The following PHACTR2 variants were observed in gnomAD, a reference collection of about 807,000 sequenced individuals.
PHACTR2 encodes the protein chromosome 6 open reading frame 56.
Under a neutral mutation model 76.0 loss-of-function variants are expected in PHACTR2, and 30 were observed. The observed-to-expected ratio is 0.39, with a 90% CI of 0.30 to 0.54. The LOEUF is 0.54. Among genes scored for constraint, PHACTR2 ranks in the 20% least tolerant of loss-of-function variants. PHACTR2 has a pLI of 0.61. For synonymous variants in PHACTR2, 292 were observed against 292.5 expected (o/e 1.00, Z 0.02); for missense variants, 696 against 781.1 (o/e 0.89, Z 1.30).
At chr6:143,538,005 G>T (rs1197959186) in intron 1 of PHACTR2, among the ~76,000 whole-genome samples, 1 of 152,220 alleles carries the variant, frequency 6.6e-6, no homozygotes, top group East Asian at 1.9e-4. Context: ...AGCTACTCAG[G>T]AGGCTGAGGC....
At chr6:143,640,484 T>G (rs1387623740) in intron 1 of PHACTR2, among the ~76,000 whole-genome samples, 1 of 152,104 alleles carries the variant, frequency 6.6e-6, no homozygotes, top group Non-Finnish European at 1.5e-5. Flanking sequence ...TTTATGGAAG[T>G]GCAGAGATGG....
chr6:143,773,619 A>G lies in PHACTR2; in HGVS notation c.1433-440A>G, dbSNP rs533258877. 2.0e-5 allele frequency among the ~76,000 whole-genome samples: 3 copies of G among 152,268 alleles called. No homozygotes were observed. In the East Asian group the frequency reaches 5.8e-4, roughly 29 times the overall value. On this transcript the variant is annotated intron_variant, in intron 7 of 12. Transcript: ENST00000440869. ...ATTCTGGGGTAATTAAGGGTTAAAC[A>G]TTGGTAGACTCTGCCAGGATGGCGT... is the stretch of plus-strand genomic sequence containing the variant.
chr6:143,813,576 C>T (rs1266191070), intron 12 of PHACTR2, among the ~76,000 whole-genome samples: 3 of 147,068 alleles, frequency 2.0e-5, no homozygotes, highest in African/African-American at 7.6e-5. Context: ...CGAGATCGCG[C>T]CACTGCACTC....
In PHACTR2 at chr6:143,639,231, T is replaced by A. The variant is rs954533233; in HGVS notation, c.13+30909T>A. On this transcript the variant is annotated intron_variant, in intron 1 of 11. Transcript: ENST00000305766. The surrounding 1 kb of genome is among the most constrained non-coding windows in gnomAD (Gnocchi z 5.0). ...GACAATTGCTGCAAAGTACCTGAAGTACAGTCTGTCTTTCCAAAACAAATT... is the reference window on the plus strand; with the variant it reads ...GACAATTGCTGCAAAGTACCTGAAGAACAGTCTGTCTTTCCAAAACAAATT... Among the ~76,000 whole-genome samples the A allele has an allele frequency of 6.6e-6, 1 of 152,158 alleles. No individual in the cohort carries two copies. The highest frequency in any genetic ancestry group is 1.5e-5 in the Non-Finnish European group (1 of 68,036).
Position 143,775,675 on chromosome 6 carries a change from G to A in PHACTR2, c.1589+1460G>A, listed in dbSNP as rs988298085. ...GTATATGCTTCTAGGTTTTCTGATTGTTTTATTACTCTTGTTTATGTTTTA... is the reference window on the plus strand; with the variant it reads ...GTATATGCTTCTAGGTTTTCTGATTATTTTATTACTCTTGTTTATGTTTTA... On this transcript the variant is annotated intron_variant, in intron 8 of 12. Transcript: ENST00000440869. The surrounding 1 kb of genome is among the most constrained non-coding windows in gnomAD (Gnocchi z 4.4). Among the ~76,000 whole-genome samples, 4 of 152,128 alleles carry A rather than the reference G, an allele frequency of 2.6e-5. No homozygotes were observed. The highest frequency in any genetic ancestry group is 9.7e-5 in the African/African-American group (4 of 41,420).
Position 143,560,001 on chromosome 6 carries a change from G to A in PHACTR2, c.217+22794G>A, listed in dbSNP as rs182948212. ...GCTGGGATTACAGGTGTGAGCCACC[G>A]TGCCCAGCTGTTATTTTTCAATACT... is the stretch of plus-strand genomic sequence containing the variant. On this transcript the variant is annotated intron_variant, in intron 1 of 11. Transcript: ENST00000367584. 2.4e-4 allele frequency among the ~76,000 whole-genome samples: 37 copies of A among 152,100 alleles called. No homozygotes were observed. The East Asian group carries it at 5.6e-3, about 23-fold the overall frequency.
rs1324720895 is a variant in PHACTR2 at position 143,680,653 on chromosome 6, A to G, written c.46+2444A>G. Reference sequence around the variant, plus strand: ...ATCCATTATTAAAAAGAACAGCTGTATTGATGTATAATTCACATACTATAA... The same window carrying G: ...ATCCATTATTAAAAAGAACAGCTGTGTTGATGTATAATTCACATACTATAA... On this transcript the variant is annotated intron_variant, in intron 1 of 12. Coordinates refer to ENST00000440869, the MANE Select transcript of PHACTR2 (RefSeq NM_001100164.2). This position sits in a 1 kb window ranked among gnomAD's most constrained non-coding sequence, Gnocchi z 4.5. Among the ~76,000 whole-genome samples the G allele has an allele frequency of 1.3e-5, 2 of 152,170 alleles. No individual in the cohort carries two copies. Among genetic ancestry groups the G allele is most frequent in the Admixed American group, 6.5e-5 (1 of 15,278 alleles).
chr6:143,779,796 A>G (rs1270977601), intron 9 of PHACTR2, among the ~76,000 whole-genome samples: 1 of 151,784 alleles, frequency 6.6e-6, no homozygotes, highest in Non-Finnish European at 1.5e-5. Flanking sequence ...AGGACAAATT[A>G]TATTTCTTAG....
chr6:143,749,277 A>G (rs1163452336), intron 3 of PHACTR2, among the ~76,000 whole-genome samples: 1 of 152,212 alleles, frequency 6.6e-6, no homozygotes, highest in Non-Finnish European at 1.5e-5. Context: ...TGGTGAATCC[A>G]TCACCATATG....
rs962659477 is a variant in PHACTR2 at position 143,816,207 on chromosome 6, C to T, written c.1923-7467C>T. Among the ~76,000 whole-genome samples the T allele has an allele frequency of 2.0e-5, 3 of 152,008 alleles. No individual in the cohort carries two copies. Among genetic ancestry groups the T allele is most frequent in the Admixed American group, 2.0e-4 (3 of 15,264 alleles). ...CCTCCACCAACTTGAAGCCTAAAGC[C>T]AAAACTGTCATGCTGTCACATAGAC... On this transcript the variant is annotated intron_variant, in intron 12 of 12. Coordinates refer to ENST00000440869, the MANE Select transcript of PHACTR2 (RefSeq NM_001100164.2). This position sits in a 1 kb window ranked among gnomAD's most constrained non-coding sequence, Gnocchi z 4.5.
chr6:143,694,052 G>C (rs1488772947), intron 1 of PHACTR2, among the ~76,000 whole-genome samples: 2 of 151,222 alleles, frequency 1.3e-5, no homozygotes, highest in Non-Finnish European at 1.5e-5. Flanking sequence ...CTGGGTGACA[G>C]ACAGAGTGAG....
chr6:143,793,117 G>A lies in PHACTR2; in HGVS notation c.1845+4207G>A, dbSNP rs373276581. Among the ~76,000 whole-genome samples the A allele has an allele frequency of 2.0e-5, 3 of 152,186 alleles. No individual in the cohort carries two copies. The highest frequency in any genetic ancestry group is 7.2e-5 in the African/African-American group (3 of 41,436). ...AGATAAATGAGTAAAGATCACTGCA[G>A]TTGCCAAGTATGCAAGCAGGGAGAG... On this transcript the variant is annotated intron_variant, in intron 11 of 12. Coordinates refer to ENST00000440869, the MANE Select transcript of PHACTR2 (RefSeq NM_001100164.2). The surrounding 1 kb of genome is among the most constrained non-coding windows in gnomAD (Gnocchi z 4.4).
chr6:143,547,755 A>G lies in PHACTR2; in HGVS notation c.217+10548A>G, dbSNP rs1255083943. Among the ~76,000 whole-genome samples, 1 of 152,218 alleles carries G rather than the reference A, an allele frequency of 6.6e-6. No homozygotes were observed. The highest frequency in any genetic ancestry group is 1.5e-5 in the Non-Finnish European group (1 of 68,040). ...TAACCGGGAAGGAGAGTGTGGCTTC[A>G]TGATACCTTGCGGCCAGGAACTGAT... On this transcript the variant is annotated intron_variant, in intron 1 of 11. Coordinates refer to the PHACTR2 transcript ENST00000367584. This position sits in a 1 kb window ranked among gnomAD's most constrained non-coding sequence, Gnocchi z 4.2.
chr6:143,612,713 GATGTAGGGGA>G (rs1200714234), intron 1 of PHACTR2, among the ~76,000 whole-genome samples: 1 of 152,116 alleles, frequency 6.6e-6, no homozygotes, highest in Admixed American at 6.5e-5. Context: ...TGTCAGCCTT[GATGTAGGGGA>G]ATGTAATGTT....
upstream of PHACTR2, among the ~76,000 whole-genome samples, chr6:143,603,499 C>T (rs1775836495): frequency 6.6e-6 from 1 of 151,666 alleles, no homozygotes; most frequent in East Asian, 1.9e-4. Context: ...TTCAGGAGAC[C>T]CCTCCCCACA....
chr6:143,773,192 G>C (rs1322246919), intron 7 of PHACTR2, among the ~76,000 whole-genome samples: 1 of 152,032 alleles, frequency 6.6e-6, no homozygotes, highest in Non-Finnish European at 1.5e-5. Context: ...CAGCCTGGGA[G>C]ACAGAGCGAG....
chr6:143,813,973 T>C (rs371307374), intron 12 of PHACTR2, among the ~76,000 whole-genome samples: 2 of 152,330 alleles, frequency 1.3e-5, no homozygotes, highest in African/African-American at 4.8e-5. Flanking sequence ...GATAACATAG[T>C]CAATCAACAC....
In PHACTR2 at chr6:143,765,289, T is replaced by C. The variant is rs377740319; in HGVS notation, c.723T>C (p.Thr241=). Residue 241 remains threonine, a synonymous_variant, in exon 6 of 13, where the codon ACT becomes ACC. Transcript: ENST00000440869. This position sits in a 1 kb window ranked among gnomAD's most constrained non-coding sequence, Gnocchi z 4.1. ...AAGSSHSKKT[T]GSKASASPST... ...GCTCCTCTCATTCAAAAAAAACAAC[T>C]GGCTCTAAAGCATCAGCTTCGCCAT... is the stretch of plus-strand genomic sequence containing the variant. The C allele has an allele frequency of 2.5e-5, 41 of 1,613,124 alleles. No individual in the cohort carries two copies. In the African/African-American group the frequency reaches 3.2e-4, roughly 13 times the overall value.
chr6:143,614,072 A>C (rs1776022869), intron 1 of PHACTR2, among the ~76,000 whole-genome samples: 1 of 152,104 alleles, frequency 6.6e-6, no homozygotes, highest in Non-Finnish European at 1.5e-5. Context: ...AAATACAAAA[A>C]TTAGCCAGGT....
Sources: allele counts gnomAD v4.1 joint callset (sites outside exome capture counted in the v4.1 genomes callset), GRCh38; gene constraint gnomAD v4.1.1; non-coding constraint Gnocchi (gnomAD v3.1); transcripts MANE v1.5; gene names NCBI Gene and HGNC (gene_info 2026-07-23, HGNC 2026-07-21).